The following CELF2 variants were observed in gnomAD, a reference collection of about 807,000 sequenced individuals.
CELF2 encodes the protein CUGBP Elav-like family member 2.
Under a neutral mutation model 62.6 loss-of-function variants are expected in CELF2, and 8 were observed. The observed-to-expected ratio is 0.13, with a 90% CI of 0.07 to 0.23. CELF2 has a LOEUF of 0.23. CELF2 is among the 10% of genes least tolerant of loss of function. The pLI is 1.00. For synonymous variants in CELF2, 258 were observed against 250.0 expected (o/e 1.03, Z -0.30); for missense variants, 333 against 671.0 (o/e 0.50, Z 5.56).
At chr10:10,509,060 T>C in the CELF2 span, among the ~76,000 whole-genome samples, 1 of 152,200 alleles carries the variant, frequency 6.6e-6, no homozygotes, top group East Asian at 1.9e-4. Flanking sequence ...AGCTAAAACA[T>C]ACTTTTATTG....
At chr10:10,893,397 C>G (rs1224581062) in intron 1 of CELF2, among the ~76,000 whole-genome samples, 1 of 152,110 alleles carries the variant, frequency 6.6e-6, no homozygotes, top group Non-Finnish European at 1.5e-5. Flanking sequence ...CTCATGAGAT[C>G]AACAGCTTAA....
chr10:11,208,838 T>G (rs747394888), intron 2 of CELF2, among the ~76,000 whole-genome samples: 2 of 152,126 alleles, frequency 1.3e-5, no homozygotes, highest in African/African-American at 4.8e-5. Context: ...AGAGAGAAAC[T>G]TTTTCTTGTG....
chr10:10,786,845 CT>C, the CELF2 span: 1 of 152,032 alleles, frequency 6.6e-6, no homozygotes, highest in Admixed American at 6.6e-5. Context: ...CCATCTACTC[CT>C]TTTGATCTTT....
intron 1 of CELF2, among the ~76,000 whole-genome samples, chr10:11,089,780 G>C (rs1348136111): frequency 6.6e-6 from 1 of 152,142 alleles, no homozygotes; most frequent in East Asian, 1.9e-4. Context: ...GTCAACCCAG[G>C]TGCCCATCAG....
intron 1 of CELF2, among the ~76,000 whole-genome samples, chr10:11,085,672 G>GT (rs1346025927): frequency 3.9e-5 from 6 of 152,278 alleles, no homozygotes; most frequent in African/African-American, 1.4e-4. Context: ...AGGCGGTCTG[G>GT]TTCAGGGCCT....
chr10:11,261,308 G>T (rs1020717550), intron 5 of CELF2, among the ~76,000 whole-genome samples: 4 of 152,086 alleles, frequency 2.6e-5, no homozygotes, highest in African/African-American at 9.7e-5. Context: ...TTACACTGAG[G>T]TTTCACCAGG....
chr10:11,270,841 G>A lies in CELF2; in HGVS notation c.777+17G>A, dbSNP rs770792104. Reference sequence around the variant, plus strand: ...TATCTGGCGGTAAGTGCTGGGCAATGCCGGCGTGGTCTTCACCCGCTGAAA... The same window carrying A: ...TATCTGGCGGTAAGTGCTGGGCAATACCGGCGTGGTCTTCACCCGCTGAAA... On this transcript the variant is annotated intron_variant, in intron 7 of 12. Transcript: ENST00000633077. The surrounding 1 kb of genome is among the most constrained non-coding windows in gnomAD (Gnocchi z 5.8). 23 of 1,356,528 alleles carry A rather than the reference G, an allele frequency of 1.7e-5. No individual in the cohort carries two copies. Among genetic ancestry groups the A allele is most frequent in the South Asian group, 1.5e-4 (7 of 46,916 alleles). 84.0% of individuals were successfully genotyped at this position (1,356,528 alleles called of 1,614,324 possible). A position where few individuals can be genotyped will look rare whatever the true frequency, so the allele number is the denominator to read the frequency against.
intron 2 of CELF2, among the ~76,000 whole-genome samples, chr10:11,196,426 C>G (rs1052735972): frequency 5.9e-5 from 9 of 152,148 alleles, no homozygotes; most frequent in Admixed American, 1.3e-4. Flanking sequence ...CTTTGGGAGA[C>G]CAAGGCTGGA....
the CELF2 span, among the ~76,000 whole-genome samples, chr10:10,736,396 C>CTTTCTTTCTTTCTTTTT: frequency 2.2e-4 from 17 of 76,012 alleles, no homozygotes; most frequent in African/African-American, 6.9e-4. Context: ...TTCTTTCTTT[C>CTTTCTTTCTTTCTTTTT]TTTTTTTTTT....
At chr10:11,086,615 C>CCT (rs2046889033) in intron 1 of CELF2, among the ~76,000 whole-genome samples, 1 of 133,652 alleles carries the variant, frequency 7.5e-6, no homozygotes, top group African/African-American at 2.8e-5. Context: ...AAAAAACTCC[C>CCT]GACAGCACCA....
At chr10:10,693,480 G>A in the CELF2 span, among the ~76,000 whole-genome samples, 3 of 151,806 alleles carry the variant, frequency 2.0e-5, no homozygotes, top group South Asian at 6.3e-4. Flanking sequence ...TCTTTTTTTG[G>A]CTGTGTCTCT....
chr10:10,783,047 G>T, the CELF2 span, among the ~76,000 whole-genome samples: 1 of 152,170 alleles, frequency 6.6e-6, no homozygotes, highest in African/African-American at 2.4e-5. Context: ...GTTTAAGGTA[G>T]GATGTATCTC....
In CELF2 at chr10:11,314,115, T is replaced by C; in HGVS notation, c.977-24T>C. The C allele has an allele frequency of 6.6e-7, 1 of 1,505,554 alleles. No homozygotes were observed. Among genetic ancestry groups the C allele is most frequent in the Non-Finnish European group, 8.8e-7 (1 of 1,132,004 alleles). 93.3% of individuals were successfully genotyped at this position (1,505,554 alleles called of 1,614,324 possible). A position where few individuals can be genotyped will look rare whatever the true frequency, so the allele number is the denominator to read the frequency against. ...CACTCACCTCGTGTCTTCTCTCCCC[T>C]TGTCTCTGTTTTCCTTTTTTCAGTG... On this transcript the variant is annotated intron_variant, in intron 9 of 12. Coordinates refer to ENST00000633077, the MANE Select transcript of CELF2 (RefSeq NM_001326342.2). This position sits in a 1 kb window ranked among gnomAD's most constrained non-coding sequence, Gnocchi z 5.3.
chr10:10,909,589 A>C (rs2063632355), intron 1 of CELF2, among the ~76,000 whole-genome samples: 1 of 152,230 alleles, frequency 6.6e-6, no homozygotes, highest in Admixed American at 6.5e-5. Context: ...TTCATTTCTC[A>C]GAAAGAGAAG....
the CELF2 span, among the ~76,000 whole-genome samples, chr10:10,538,723 G>C: frequency 3.0e-4 from 45 of 152,296 alleles, 1 homozygote; most frequent in East Asian, 7.3e-3. Flanking sequence ...TATGAGCATG[G>C]AGAAATTACT....
At chr10:10,778,742 G>T in the CELF2 span, among the ~76,000 whole-genome samples, 2 of 152,094 alleles carry the variant, frequency 1.3e-5, no homozygotes, top group African/African-American at 4.8e-5. Context: ...CCAAAAATTT[G>T]CCATAATTAA....
At chr10:10,804,646 G>A (rs2055019729) in intron 1 of CELF2, among the ~76,000 whole-genome samples, 1 of 152,218 alleles carries the variant, frequency 6.6e-6, no homozygotes, top group African/African-American at 2.4e-5. Flanking sequence ...GAGCCTTAAA[G>A]CTGTAACGAA....
chr10:11,025,531 C>T (rs1418073404), intron 1 of CELF2, among the ~76,000 whole-genome samples: 2 of 152,034 alleles, frequency 1.3e-5, no homozygotes, highest in East Asian at 1.9e-4. Flanking sequence ...CCCTTTCTGC[C>T]GTGATTGTAA....
At chr10:10,577,738 T>A in the CELF2 span, among the ~76,000 whole-genome samples, 2 of 152,172 alleles carry the variant, frequency 1.3e-5, no homozygotes, top group Admixed American at 1.3e-4. Context: ...ATGTGCCACA[T>A]TTTCTTAATC....
Sources: allele counts gnomAD v4.1 joint callset (sites outside exome capture counted in the v4.1 genomes callset), GRCh38; gene constraint gnomAD v4.1.1; non-coding constraint Gnocchi (gnomAD v3.1); transcripts MANE v1.5; gene names NCBI Gene and HGNC (gene_info 2026-07-23, HGNC 2026-07-21).